The following RLF variants were observed in gnomAD, a reference collection of about 807,000 sequenced individuals.
RLF encodes RLF zinc finger, also known as zinc finger protein Rlf.
In RLF, 7 loss-of-function variants were observed where a neutral mutation model predicts 162.9. The observed-to-expected ratio is 0.04, with a 90% CI of 0.02 to 0.08. The LOEUF (loss-of-function observed/expected upper bound fraction) is 0.08. RLF is among the 10% of genes least tolerant of loss of function. RLF has a pLI of 1.00. For synonymous variants in RLF, 782 were observed against 791.5 expected (o/e 0.99, Z 0.20); for missense variants, 1,664 against 2,244.7 (o/e 0.74, Z 5.23).
intron 1 of RLF, among the ~76,000 whole-genome samples, chr1:40,182,995 A>G (rs1642427386): frequency 6.6e-6 from 1 of 152,092 alleles, no homozygotes; most frequent in African/African-American, 2.4e-5. Flanking sequence ...TCTTGATGGC[A>G]AACCTCCATC....
In RLF at chr1:40,227,021, G is replaced by A. The variant is rs139537850; in HGVS notation, c.947+4311G>A. On this transcript the variant is annotated intron_variant, in intron 6 of 7. Coordinates refer to ENST00000372771, the MANE Select transcript of RLF (RefSeq NM_012421.4). Reference sequence around the variant, plus strand: ...TGGGATTATAGGTGCCAGCCACCACGCCTGGCTAATTTTTTATATTTTTAG... The same window carrying A: ...TGGGATTATAGGTGCCAGCCACCACACCTGGCTAATTTTTTATATTTTTAG... Among the ~76,000 whole-genome samples, 749 of 152,098 alleles carry A rather than the reference G, an allele frequency of 4.9e-3. 8 individuals are homozygous for A. Among genetic ancestry groups the A allele is most frequent in the African/African-American group, 0.017 (691 of 41,468 alleles).
chr1:40,169,487 G>C (rs1443918182), intron 1 of RLF, among the ~76,000 whole-genome samples: 85 of 150,684 alleles, frequency 5.6e-4, no homozygotes, highest in African/African-American at 2.0e-3. Context: ...GCGGTGGCGG[G>C]CGCCTGTGGT....
intron 5 of RLF, among the ~76,000 whole-genome samples, chr1:40,207,971 C>T (rs557345080): frequency 3.1e-4 from 47 of 152,282 alleles, no homozygotes; most frequent in African/African-American, 1.1e-3. Flanking sequence ...AAAATACTGA[C>T]TCCAGGAATT....
intron 1 of RLF, among the ~76,000 whole-genome samples, chr1:40,170,622 A>G (rs1642231299): frequency 6.6e-6 from 1 of 152,116 alleles, no homozygotes; most frequent in Non-Finnish European, 1.5e-5. Flanking sequence ...CAGATACTGT[A>G]TTTGTGCATT....
intron 5 of RLF, among the ~76,000 whole-genome samples, chr1:40,219,886 T>C (rs1302636146): frequency 6.6e-6 from 1 of 152,230 alleles, no homozygotes; most frequent in Non-Finnish European, 1.5e-5. Flanking sequence ...TTTAGGCCAG[T>C]GCAGGAGCAT....
chr1:40,206,409 A>G lies in RLF; in HGVS notation c.810+3795A>G, dbSNP rs376672024. On this transcript the variant is annotated intron_variant, in intron 5 of 7. Transcript: ENST00000372771. ...AATATTATATTAAAGACATAGGATA[A>G]GGAATATTATCCTTGTTGGTATTTA... Among the ~76,000 whole-genome samples, 13 of 152,350 alleles carry G rather than the reference A, an allele frequency of 8.5e-5. 1 individual carries two copies. Among genetic ancestry groups the G allele is most frequent in the East Asian group, 3.9e-4 (2 of 5,190 alleles).
chr1:40,193,115 G>A (rs1481241105), intron 3 of RLF, among the ~76,000 whole-genome samples: 1 of 127,522 alleles, frequency 7.8e-6, no homozygotes, highest in African/African-American at 3.1e-5. Flanking sequence ...AAGGGCGGCA[G>A]AGTGGTCTTA....
chr1:40,201,808 A>G (rs563306495), intron 4 of RLF, among the ~76,000 whole-genome samples: 26 of 152,152 alleles, frequency 1.7e-4, no homozygotes, highest in Non-Finnish European at 3.8e-4. Context: ...ACTAATATGT[A>G]TAAAAGGGTT....
chr1:40,183,568 T>A lies in RLF; in HGVS notation c.238-5487T>A, dbSNP rs1334657474. ...AAAATATTAAAGCTGATGCTGGGGGTGAGGGGGCAGAATTTAAAAGCACAC... is the reference window on the plus strand; with the variant it reads ...AAAATATTAAAGCTGATGCTGGGGGAGAGGGGGCAGAATTTAAAAGCACAC... On this transcript the variant is annotated intron_variant, in intron 1 of 7. Coordinates refer to ENST00000372771, the MANE Select transcript of RLF (RefSeq NM_012421.4). 2.0e-5 allele frequency among the ~76,000 whole-genome samples: 3 copies of A among 151,720 alleles called. No individual in the cohort carries two copies. The East Asian group carries it at 5.8e-4, about 29-fold the overall frequency.
At position 40,161,440 on chromosome 1, in the gene RLF, C is replaced by T. The variant is rs1281283654; in HGVS notation, c.41C>T (p.Ala14Val). The T allele has an allele frequency of 4.5e-6, 7 of 1,571,716 alleles. No individual in the cohort carries two copies. Among genetic ancestry groups the T allele is most frequent in the Admixed American group, 2.0e-5 (1 of 50,036 alleles). ...GKGDAAAVAGAGAEAPAVAGA... is the reference protein window; with the variant it reads ...GKGDAAAVAGVGAEAPAVAGA... ...GGAGACGCCGCCGCTGTCGCCGGGG[C>T]TGGGGCTGAGGCTCCGGCGGTAGCG... Residue 14 changes from alanine (A) to valine (V), a missense_variant, in exon 1 of 8, where the codon GCT (alanine) becomes GTT (valine). Ala to Val is a moderately conservative substitution (Grantham distance 64). Coordinates refer to ENST00000372771, the MANE Select transcript of RLF (RefSeq NM_012421.4). The surrounding 1 kb of genome is among the most constrained non-coding windows in gnomAD (Gnocchi z 4.4).
rs564203235 is a variant in RLF at position 40,180,575 on chromosome 1, A to G, written c.238-8480A>G. On this transcript the variant is annotated intron_variant, in intron 1 of 7. Coordinates refer to ENST00000372771, the MANE Select transcript of RLF (RefSeq NM_012421.4). ...CTTGGTCTGACCTCTTTTATTTTAC[A>G]TGATAGTCAATCCTAATGGGTGCGA... Among the ~76,000 whole-genome samples the G allele has an allele frequency of 7.9e-5, 12 of 152,084 alleles. No homozygotes were observed. The South Asian group carries it at 2.5e-3, about 32-fold the overall frequency.
rs138324360 is a variant in RLF at position 40,239,937 on chromosome 1, C to A, written c.5235C>A (p.Val1745=). ...QENTVKNPTH[V]PKENFRKHSQ... is the part of the protein sequence containing the mutation. The stretch of plus-strand genomic sequence containing the variant: ...ACACTGTAAAAAATCCAACCCATGT[C>A]CCAAAAGAGAATTTTAGGAAACATT... The change falls in exon 8 of 8, where the codon GTC becomes GTA. Residue 1745 remains valine (V), a synonymous_variant. Coordinates refer to ENST00000372771, the MANE Select transcript of RLF (RefSeq NM_012421.4). 3,482 of 1,613,592 alleles carry A rather than the reference C, an allele frequency of 2.2e-3. 3 individuals are homozygous for A. The highest frequency in any genetic ancestry group is 2.8e-3 in the Non-Finnish European group (3,259 of 1,180,012).
intron 5 of RLF, among the ~76,000 whole-genome samples, chr1:40,216,952 T>C (rs61778538): frequency 0.052 from 7,907 of 152,108 alleles, 595 homozygotes; most frequent in African/African-American, 0.17. Flanking sequence ...CTCAGGAGGC[T>C]GAGGCAGAAT....
At position 40,240,261 on chromosome 1, in the gene RLF, A is replaced by G. The variant is rs145754196; in HGVS notation, c.5559A>G (p.Thr1853=). 2 of 1,614,214 alleles carry G rather than the reference A, an allele frequency of 1.2e-6. No homozygotes were observed. Among genetic ancestry groups the G allele is most frequent in the African/African-American group, 2.7e-5 (2 of 75,066 alleles). ...CTTTAATAGTAGCTGAAACAACAACAGTTCCTTCCTTGGAAAACCTGAGGG... is the reference window on the plus strand; with the variant it reads ...CTTTAATAGTAGCTGAAACAACAACGGTTCCTTCCTTGGAAAACCTGAGGG... ...IPPLIVAETT[T]VPSLENLRVV... Residue 1853 remains threonine, a synonymous_variant, in exon 8 of 8, where the codon ACA becomes ACG. Transcript: ENST00000372771.
chr1:40,170,281 T>A (rs908075787), intron 1 of RLF, among the ~76,000 whole-genome samples: 2 of 151,882 alleles, frequency 1.3e-5, no homozygotes, highest in African/African-American at 2.4e-5. Context: ...TGAGACAGGG[T>A]CTTGCTGTGT....
chr1:40,212,246 A>T (rs1482201662), intron 5 of RLF, among the ~76,000 whole-genome samples: 1 of 152,204 alleles, frequency 6.6e-6, no homozygotes, highest in Non-Finnish European at 1.5e-5. Flanking sequence ...GACACATACA[A>T]TTAAGATTAA....
intron 3 of RLF, among the ~76,000 whole-genome samples, chr1:40,191,795 CACT>C (rs1417092338): frequency 6.6e-6 from 1 of 152,184 alleles, no homozygotes; most frequent in African/African-American, 2.4e-5. Flanking sequence ...CACTGCTTTA[CACT>C]ACATTTTACT....
intron 1 of RLF, among the ~76,000 whole-genome samples, chr1:40,183,113 T>G (rs1394243364): frequency 6.6e-6 from 1 of 152,188 alleles, no homozygotes; most frequent in Admixed American, 6.5e-5. Flanking sequence ...TTTCAAGTTC[T>G]TTCTTTGGAG....
At chr1:40,194,116 A>C (rs570514743) in intron 3 of RLF, among the ~76,000 whole-genome samples, 1 of 151,560 alleles carries the variant, frequency 6.6e-6, no homozygotes, top group Non-Finnish European at 1.5e-5. Context: ...GAATATAAGA[A>C]CTTTAATGAA....
Sources: allele counts gnomAD v4.1 joint callset (sites outside exome capture counted in the v4.1 genomes callset), GRCh38; gene constraint gnomAD v4.1.1; non-coding constraint Gnocchi (gnomAD v3.1); transcripts MANE v1.5; gene names NCBI Gene and HGNC (gene_info 2026-07-23, HGNC 2026-07-21).